Variants in EXT1 observed in about 807,000 individuals in gnomAD.
EXT1 encodes exostosin glycosyltransferase 1.
EXT1 carries 20 observed loss-of-function variants against 82.5 expected under a neutral mutation model. The observed-to-expected ratio is 0.24, with a 90% CI of 0.17 to 0.35. The LOEUF is 0.35. Among genes scored for constraint, EXT1 ranks in the 10% least tolerant of loss-of-function variants. The pLI, the probability that EXT1 is intolerant of heterozygous loss-of-function variation, is 1.00. For missense variants in EXT1, 757 were observed against 936.5 expected (o/e 0.81, Z 2.50); for synonymous variants, 348 against 350.8 (o/e 0.99, Z 0.09).
intron 1 of EXT1, among the ~76,000 whole-genome samples, chr8:117,981,819 G>A (rs767249588): frequency 5.3e-5 from 8 of 152,066 alleles, no homozygotes; most frequent in Admixed American, 1.3e-4. Context: ...CGGAGGTTGC[G>A]GTGGGCTGAG....
At chr8:118,107,927 C>T (rs1486158186) in intron 1 of EXT1, among the ~76,000 whole-genome samples, 1 of 152,126 alleles carries the variant, frequency 6.6e-6, no homozygotes, top group African/African-American at 2.4e-5. Flanking sequence ...CTAAAGAGAT[C>T]CCTGCTTGGG....
chr8:118,034,418 T>C (rs1249215689), intron 1 of EXT1, among the ~76,000 whole-genome samples: 1 of 152,134 alleles, frequency 6.6e-6, no homozygotes, highest in East Asian at 1.9e-4. Flanking sequence ...CTGTACAGAA[T>C]CTAATGTCTT....
chr8:118,093,431 C>T (rs1409658263), intron 1 of EXT1, among the ~76,000 whole-genome samples: 4 of 152,164 alleles, frequency 2.6e-5, no homozygotes, highest in Admixed American at 2.0e-4. Context: ...TTTACTTATA[C>T]TTAGTGAACC....
chr8:118,049,343 T>G (rs1816681233), intron 1 of EXT1, among the ~76,000 whole-genome samples: 1 of 152,224 alleles, frequency 6.6e-6, no homozygotes, highest in Non-Finnish European at 1.5e-5. Context: ...AAATGTAACC[T>G]ATAAGTGGGT....
At position 117,803,319 on chromosome 8, in the gene EXT1, C is replaced by T. The variant is rs773722879; in HGVS notation, c.2055+1403G>A. ...AAGCAATTCTCGTGCCTCAGCCACCCGAGTAAGCTGGGATTACAAGCGTGC... is the reference window on the plus strand; with the variant it reads ...AAGCAATTCTCGTGCCTCAGCCACCTGAGTAAGCTGGGATTACAAGCGTGC... On this transcript the variant is annotated intron_variant, in intron 10 of 10. Coordinates refer to ENST00000378204, the MANE Select transcript of EXT1 (RefSeq NM_000127.3). Among the ~76,000 whole-genome samples, 57 of 151,982 alleles carry T rather than the reference C, an allele frequency of 3.8e-4. 1 individual carries two copies. The highest frequency in any genetic ancestry group is 4.2e-4 in the South Asian group (2 of 4,816).
chr8:117,930,771 T>C (rs17475785), intron 1 of EXT1, among the ~76,000 whole-genome samples: 3,204 of 152,158 alleles, frequency 0.021, 45 homozygotes, highest in Middle Eastern at 0.048. Flanking sequence ...GTTAGTTGTG[T>C]TTAGTCATAG....
rs151011368 is a variant in EXT1 at position 118,054,270 on chromosome 8, T to A, written c.962+55815A>T. 6.6e-3 allele frequency among the ~76,000 whole-genome samples: 1,003 copies of A among 152,310 alleles called. 12 individuals carry two copies. Among genetic ancestry groups the A allele is most frequent in the African/African-American group, 0.022 (910 of 41,560 alleles). On this transcript the variant is annotated intron_variant, in intron 1 of 10. Transcript: ENST00000378204. ...AGCCATCTTTCCTAGTAAGTAGGATTTCTTGCCCTTCCCCTACCTGATCTC... is the reference window on the plus strand; with the variant it reads ...AGCCATCTTTCCTAGTAAGTAGGATATCTTGCCCTTCCCCTACCTGATCTC...
intron 1 of EXT1, among the ~76,000 whole-genome samples, chr8:117,886,602 T>A (rs1351577044): frequency 6.6e-6 from 1 of 152,178 alleles, no homozygotes; most frequent in Non-Finnish European, 1.5e-5. Context: ...AGCACCAAAA[T>A]GTCAAATTCC....
chr8:117,912,406 A>G (rs1323158532), intron 1 of EXT1, among the ~76,000 whole-genome samples: 2 of 152,246 alleles, frequency 1.3e-5, no homozygotes, highest in African/African-American at 2.4e-5. Flanking sequence ...TTTATTTATT[A>G]CAATGGGTAG....
At chr8:118,042,368 A>C (rs1442397392) in intron 1 of EXT1, among the ~76,000 whole-genome samples, 4 of 152,050 alleles carry the variant, frequency 2.6e-5, no homozygotes, top group Admixed American at 1.3e-4. Context: ...ATCTCAGCTC[A>C]CTGTAACCTC....
intron 1 of EXT1, among the ~76,000 whole-genome samples, chr8:117,952,746 G>A (rs918755896): frequency 1.3e-5 from 2 of 151,402 alleles, no homozygotes; most frequent in Non-Finnish European, 2.9e-5. Context: ...GAGCAACACA[G>A]GGAGACTGAA....
intron 8 of EXT1, among the ~76,000 whole-genome samples, chr8:117,809,242 T>TATATATATATA (rs796605483): frequency 0.015 from 2,179 of 141,156 alleles, 44 homozygotes; most frequent in East Asian, 0.077. Context: ...TATATATATA[T>TATATATATATA]ATTATGTTCT....
At chr8:118,038,395 A>T (rs1220638232) in intron 1 of EXT1, among the ~76,000 whole-genome samples, 1 of 152,210 alleles carries the variant, frequency 6.6e-6, no homozygotes, top group Non-Finnish European at 1.5e-5. Flanking sequence ...CTTCTGTCCC[A>T]GTGACTGTGC....
chr8:117,905,584 G>A (rs982118728), intron 1 of EXT1, among the ~76,000 whole-genome samples: 3 of 152,042 alleles, frequency 2.0e-5, no homozygotes, highest in Admixed American at 6.6e-5. Context: ...AGGCCGAGGC[G>A]GGTGGATCAC....
chr8:118,091,904 G>A (rs1433755081), intron 1 of EXT1, among the ~76,000 whole-genome samples: 1 of 151,846 alleles, frequency 6.6e-6, no homozygotes, highest in Admixed American at 6.6e-5. Context: ...GCACTAAAAG[G>A]CCACCATGAC....
intron 1 of EXT1, among the ~76,000 whole-genome samples, chr8:118,043,555 C>T (rs17505506): frequency 1.3e-5 from 2 of 152,170 alleles, no homozygotes; most frequent in Admixed American, 1.3e-4. Flanking sequence ...TATTTATATG[C>T]TGCCTTAGCA....
chr8:117,800,990 C>T (rs187002964), intron 10 of EXT1, among the ~76,000 whole-genome samples: 250 of 152,318 alleles, frequency 1.6e-3, no homozygotes, highest in African/African-American at 5.9e-3. Flanking sequence ...TGTCAATAGG[C>T]AAGTCTTTAA....
intron 1 of EXT1, among the ~76,000 whole-genome samples, chr8:117,989,524 C>A (rs1815392674): frequency 6.6e-6 from 1 of 152,124 alleles, no homozygotes; most frequent in South Asian, 2.1e-4. Context: ...TTAAACTGAC[C>A]AACTCCAAAG....
At chr8:118,096,135 T>C (rs1481293881) in intron 1 of EXT1, among the ~76,000 whole-genome samples, 1 of 152,150 alleles carries the variant, frequency 6.6e-6, no homozygotes, top group Non-Finnish European at 1.5e-5. Context: ...ATTCTATCAA[T>C]CTTTTGGGAG....
Sources: allele counts gnomAD v4.1 joint callset (sites outside exome capture counted in the v4.1 genomes callset), GRCh38; gene constraint gnomAD v4.1.1; transcripts MANE v1.5; gene names NCBI Gene and HGNC (gene_info 2026-07-23, HGNC 2026-07-21).